Variants in EXOC4 observed in about 807,000 individuals in gnomAD.
EXOC4 encodes the protein exocyst complex component 4.
EXOC4 carries 71 observed loss-of-function variants against 107.2 expected under a neutral mutation model. The ratio of observed to expected loss-of-function variants is 0.66; its 90% CI spans 0.55 to 0.81. EXOC4 has a LOEUF of 0.81. Ranked by LOEUF, EXOC4 falls within the 30% of genes least tolerant of loss-of-function variation. The pLI is 0.00. For missense variants in EXOC4, 1,108 were observed against 1,189.6 expected (o/e 0.93, Z 1.01); for synonymous variants, 456 against 441.2 (o/e 1.03, Z -0.42).
At chr7:133,296,434 C>A (rs1051082388) in intron 3 of EXOC4, among the ~76,000 whole-genome samples, 5 of 152,014 alleles carry the variant, frequency 3.3e-5, no homozygotes, top group Admixed American at 1.3e-4. Context: ...ATTTGAGACC[C>A]CCCTTCATTC....
At chr7:133,811,444 A>G (rs765890974) in intron 10 of EXOC4, among the ~76,000 whole-genome samples, 17 of 152,198 alleles carry the variant, frequency 1.1e-4, no homozygotes, top group Non-Finnish European at 1.6e-4. Context: ...TTAAATGCTT[A>G]CTAGGTGAAA....
chr7:133,861,139 A>G (rs576648351), intron 11 of EXOC4, among the ~76,000 whole-genome samples: 1 of 152,336 alleles, frequency 6.6e-6, no homozygotes, highest in African/African-American at 2.4e-5. Context: ...GATTCCTTCA[A>G]TGCTGACCTG....
At chr7:133,609,611 T>A (rs1437972533) in intron 9 of EXOC4, among the ~76,000 whole-genome samples, 1 of 152,218 alleles carries the variant, frequency 6.6e-6, no homozygotes, top group Non-Finnish European at 1.5e-5. Flanking sequence ...AGCATAGTTA[T>A]AACTAAACTG....
chr7:133,898,090 A>G (rs1021556415), intron 12 of EXOC4, among the ~76,000 whole-genome samples: 3 of 131,264 alleles, frequency 2.3e-5, no homozygotes, highest in African/African-American at 5.8e-5. Flanking sequence ...TAGAGTCCCC[A>G]TATAAGTGAA....
chr7:133,558,213 TTTC>T (rs908410092), intron 9 of EXOC4, among the ~76,000 whole-genome samples: 8 of 141,524 alleles, frequency 5.7e-5, no homozygotes, highest in Non-Finnish European at 1.2e-4. Flanking sequence ...TTTCTTTTCT[TTTC>T]TTTTCTTTTC....
intron 9 of EXOC4, among the ~76,000 whole-genome samples, chr7:133,540,998 T>C (rs1032147232): frequency 2.0e-5 from 3 of 152,218 alleles, no homozygotes; most frequent in Admixed American, 2.0e-4. Context: ...AGGAAAGGTT[T>C]TACATTAAGA....
At chr7:133,631,005 G>A (rs1202467242) in intron 10 of EXOC4, among the ~76,000 whole-genome samples, 1 of 152,110 alleles carries the variant, frequency 6.6e-6, no homozygotes, top group African/African-American at 2.4e-5. Flanking sequence ...ATAACCATGT[G>A]CGCATAGTTA....
intron 7 of EXOC4, among the ~76,000 whole-genome samples, chr7:133,429,480 T>G (rs572026159): frequency 9.2e-5 from 14 of 152,334 alleles, no homozygotes; most frequent in Non-Finnish European, 1.9e-4. Flanking sequence ...TTAAAGAATA[T>G]AACTCAATAG....
At chr7:133,750,307 T>C (rs969467013) in intron 10 of EXOC4, among the ~76,000 whole-genome samples, 1 of 152,088 alleles carries the variant, frequency 6.6e-6, no homozygotes, top group African/African-American at 2.4e-5. Flanking sequence ...TCTCGATGTG[T>C]TTAAGGATCA....
chr7:133,349,007 A>T (rs1170048892), intron 5 of EXOC4, among the ~76,000 whole-genome samples: 1 of 152,194 alleles, frequency 6.6e-6, no homozygotes, highest in Non-Finnish European at 1.5e-5. Context: ...GATTTCAGGG[A>T]TCTAATGAGC....
At chr7:133,477,136 A>C (rs1799034665) in intron 8 of EXOC4, among the ~76,000 whole-genome samples, 1 of 152,166 alleles carries the variant, frequency 6.6e-6, no homozygotes, top group African/African-American at 2.4e-5. Flanking sequence ...TCTGTTTGTT[A>C]GAATTGATGA....
Position 133,561,040 on chromosome 7 carries a change from C to G in EXOC4, c.1418-69005C>G, listed in dbSNP as rs144630329. ...CCTTGCTCTGGTAGTCACAAGATGA[C>G]TGCTACTAGGACAGTCATTATGTAC... is the stretch of plus-strand genomic sequence containing the variant. On this transcript the variant is annotated intron_variant, in intron 9 of 17. Transcript: ENST00000253861. Among the ~76,000 whole-genome samples the G allele has an allele frequency of 1.6e-3, 239 of 152,102 alleles. 3 individuals carry two copies. In the Middle Eastern group the frequency reaches 0.027, roughly 17 times the overall value.
At chr7:134,009,456 C>T (rs563999954) in intron 17 of EXOC4, among the ~76,000 whole-genome samples, 3 of 152,200 alleles carry the variant, frequency 2.0e-5, no homozygotes, top group African/African-American at 7.2e-5. Flanking sequence ...CTTTTCTGTC[C>T]TTCTCCTTCC....
At chr7:133,697,377 T>C (rs894813051) in intron 10 of EXOC4, among the ~76,000 whole-genome samples, 3 of 152,222 alleles carry the variant, frequency 2.0e-5, no homozygotes, top group Non-Finnish European at 4.4e-5. Flanking sequence ...TTTCACTTAA[T>C]AATTTTGTAA....
At chr7:134,025,297 A>AG (rs1795115891) in intron 17 of EXOC4, among the ~76,000 whole-genome samples, 1 of 152,198 alleles carries the variant, frequency 6.6e-6, no homozygotes, top group Non-Finnish European at 1.5e-5. Flanking sequence ...TAACAAACTT[A>AG]ACTGTCTATC....
At chr7:133,572,463 T>A (rs1366930041) in intron 9 of EXOC4, among the ~76,000 whole-genome samples, 1 of 152,054 alleles carries the variant, frequency 6.6e-6, no homozygotes, top group African/African-American at 2.4e-5. Context: ...ATAAAAAAAA[T>A]AAATCAAGAA....
At chr7:133,534,787 T>C (rs1800242945) in intron 9 of EXOC4, among the ~76,000 whole-genome samples, 1 of 152,190 alleles carries the variant, frequency 6.6e-6, no homozygotes, top group African/African-American at 2.4e-5. Flanking sequence ...TTTGGTCTCA[T>C]TGATATCCTC....
At chr7:133,460,202 C>G (rs1260995976) in intron 7 of EXOC4, among the ~76,000 whole-genome samples, 2 of 152,158 alleles carry the variant, frequency 1.3e-5, no homozygotes, top group African/African-American at 4.8e-5. Flanking sequence ...ACCTAGATCC[C>G]TCGCATGTGC....
intron 10 of EXOC4, among the ~76,000 whole-genome samples, chr7:133,711,895 GATTT>G (rs996389355): frequency 1.3e-5 from 2 of 151,890 alleles, no homozygotes; most frequent in East Asian, 1.9e-4. Context: ...GCCCATTTTG[GATTT>G]ATTTTTCTCT....
Sources: allele counts gnomAD v4.1 joint callset (sites outside exome capture counted in the v4.1 genomes callset), GRCh38; gene constraint gnomAD v4.1.1; transcripts MANE v1.5; gene names NCBI Gene and HGNC (gene_info 2026-07-23, HGNC 2026-07-21).